Variants in COLEC12 observed in about 807,000 individuals in gnomAD.
The protein encoded by COLEC12 is collectin subfamily member 12, also known as collectin-12.
A neutral mutation model predicts 71.1 loss-of-function variants in COLEC12; 33 were observed. The observed-to-expected ratio is 0.46, with a 90% CI of 0.35 to 0.62. The LOEUF (loss-of-function observed/expected upper bound fraction) is 0.62. COLEC12 is among the 20% of genes least tolerant of loss of function. The pLI, the probability that COLEC12 is intolerant of heterozygous loss-of-function variation, is 0.00. For missense variants in COLEC12, 765 were observed against 916.1 expected, an observed-to-expected ratio of 0.84 and a Z score of 2.13; for synonymous variants, 350 against 353.0, an observed-to-expected ratio of 0.99 and a Z score of 0.10.
intron 2 of COLEC12, among the ~76,000 whole-genome samples, chr18:449,798 G>A (rs866429852): frequency 7.2e-5 from 11 of 152,262 alleles, no homozygotes; most frequent in Middle Eastern, 3.4e-3. Context: ...CTCTGCTCCC[G>A]GGCACCCATG....
At chr18:323,372 C>G (rs1466817129) in intron 8 of COLEC12, among the ~76,000 whole-genome samples, 2 of 152,200 alleles carry the variant, frequency 1.3e-5, no homozygotes, top group African/African-American at 4.8e-5. Flanking sequence ...CACTCACTCA[C>G]TCACACCAGG....
At chr18:336,064 G>A (rs537087258) in intron 5 of COLEC12, among the ~76,000 whole-genome samples, 41 of 152,318 alleles carry the variant, frequency 2.7e-4, no homozygotes, top group African/African-American at 5.3e-4. Flanking sequence ...GACAAGCACC[G>A]TGTTAAGGTA....
chr18:499,558 A>G (rs1253890976), intron 1 of COLEC12, among the ~76,000 whole-genome samples: 1 of 152,168 alleles, frequency 6.6e-6, no homozygotes, highest in Non-Finnish European at 1.5e-5. Flanking sequence ...GTCAGATGGC[A>G]TTTCGCACCC....
At chr18:467,737 G>A (rs769668936) in intron 2 of COLEC12, among the ~76,000 whole-genome samples, 10 of 152,132 alleles carry the variant, frequency 6.6e-5, no homozygotes, top group Non-Finnish European at 1.0e-4. Context: ...TTCAAAACAT[G>A]CCTAGAAAAT....
intron 1 of COLEC12, among the ~76,000 whole-genome samples, chr18:491,797 T>C (rs1029652168): frequency 6.6e-6 from 1 of 152,236 alleles, no homozygotes; most frequent in African/African-American, 2.4e-5. Context: ...TAACGTATTT[T>C]GGGCTGTAAA....
chr18:345,856 T>C (rs1391519467), intron 5 of COLEC12, among the ~76,000 whole-genome samples: 2 of 152,256 alleles, frequency 1.3e-5, no homozygotes, highest in Non-Finnish European at 2.9e-5. Flanking sequence ...TAGTGACTTA[T>C]TTCTAAGAAA....
In COLEC12 at chr18:327,783, A is replaced by C. The variant is rs1041002138; in HGVS notation, c.2063+3885T>G. Among the ~76,000 whole-genome samples, 1 of 152,192 alleles carries C rather than the reference A, an allele frequency of 6.6e-6. No homozygotes were observed. Among genetic ancestry groups the C allele is most frequent in the Admixed American group, 6.5e-5 (1 of 15,284 alleles). On this transcript the variant is annotated intron_variant, in intron 8 of 9. Coordinates refer to ENST00000400256, the MANE Select transcript of COLEC12 (RefSeq NM_130386.3). This position sits in a 1 kb window ranked among gnomAD's most constrained non-coding sequence, Gnocchi z 4.0. The stretch of plus-strand genomic sequence containing the variant: ...GAATAAGGGGAAAGCAGTGGTACTT[A>C]ATTCTTCCTAGCCTGGGCAAGGGAT...
intron 2 of COLEC12, among the ~76,000 whole-genome samples, chr18:456,969 G>A (rs1916885949): frequency 6.6e-6 from 1 of 152,186 alleles, no homozygotes; most frequent in South Asian, 2.1e-4. Context: ...TTCTCGGCTC[G>A]CAGGTCTTAA....
intron 2 of COLEC12, among the ~76,000 whole-genome samples, chr18:409,308 A>G (rs1018659929): frequency 2.0e-5 from 3 of 152,352 alleles, no homozygotes; most frequent in Admixed American, 6.5e-5. Flanking sequence ...CGGGAGGCCG[A>G]GGCGGGCAGA....
chr18:368,586 C>A (rs531497788), intron 2 of COLEC12, among the ~76,000 whole-genome samples: 2 of 151,606 alleles, frequency 1.3e-5, no homozygotes, highest in Admixed American at 6.6e-5. Context: ...AAAACAAGGC[C>A]GGGCGCGGTG....
intron 2 of COLEC12, among the ~76,000 whole-genome samples, chr18:459,987 A>G (rs1270815807): frequency 6.6e-6 from 1 of 151,988 alleles, no homozygotes; most frequent in East Asian, 1.9e-4. Context: ...TGGCCAAGTG[A>G]TGAGTGATGA....
At chr18:373,634 TC>T (rs1252985866) in intron 2 of COLEC12, among the ~76,000 whole-genome samples, 2 of 152,180 alleles carry the variant, frequency 1.3e-5, no homozygotes, top group African/African-American at 4.8e-5. Flanking sequence ...TTTCTGTAAG[TC>T]CCAGCTAAGA....
At chr18:454,337 A>C (rs1024145063) in intron 2 of COLEC12, among the ~76,000 whole-genome samples, 1 of 151,410 alleles carries the variant, frequency 6.6e-6, no homozygotes, top group African/African-American at 2.4e-5. Flanking sequence ...TCTTGTTCCC[A>C]CTCCCACATG....
intron 2 of COLEC12, among the ~76,000 whole-genome samples, chr18:429,579 G>A (rs1378374788): frequency 6.6e-6 from 1 of 151,980 alleles, no homozygotes; most frequent in African/African-American, 2.4e-5. Context: ...ACAGGGATTT[G>A]CCATGTTGGC....
chr18:341,911 A>G (rs1445240035), intron 5 of COLEC12, among the ~76,000 whole-genome samples: 3 of 152,166 alleles, frequency 2.0e-5, no homozygotes, highest in Non-Finnish European at 4.4e-5. Context: ...TACAGGAAGG[A>G]TGCAACTGAT....
At position 374,534 on chromosome 18, in the gene COLEC12, C is replaced by T. The variant is rs1915071548; in HGVS notation, c.59-17012G>A. On this transcript the variant is annotated intron_variant, in intron 2 of 9. Transcript: ENST00000400256. ...TCAGGAGATCCATGGGCTCTAGAAA[C>T]CACCTGTAGGCCTGAGGCTCGGAAC... Among the ~76,000 whole-genome samples, 3 of 152,280 alleles carry T rather than the reference C, an allele frequency of 2.0e-5. No homozygotes were observed. In the South Asian group the frequency reaches 6.2e-4, roughly 32 times the overall value.
intron 2 of COLEC12, among the ~76,000 whole-genome samples, chr18:469,020 C>T (rs896084571): frequency 6.6e-6 from 1 of 152,266 alleles, no homozygotes; most frequent in Non-Finnish European, 1.5e-5. Flanking sequence ...CGATGGCGTG[C>T]GCAGCACATG....
chr18:396,165 G>T (rs907359668), intron 2 of COLEC12, among the ~76,000 whole-genome samples: 1 of 152,216 alleles, frequency 6.6e-6, no homozygotes, highest in Non-Finnish European at 1.5e-5. Context: ...GCCAGTTGGG[G>T]AAGGGGAGGA....
At chr18:471,718 AATG>A (rs1917202432) in intron 2 of COLEC12, among the ~76,000 whole-genome samples, 1 of 151,620 alleles carries the variant, frequency 6.6e-6, no homozygotes, top group African/African-American at 2.4e-5. Flanking sequence ...TTTGAAATAT[AATG>A]ATATTACATT....
Sources: gnomAD v4.1 joint callset for allele counts (sites outside exome capture counted in the v4.1 genomes callset) on GRCh38, gnomAD v4.1.1 for gene constraint, Gnocchi (gnomAD v3.1) non-coding constraint, MANE v1.5 for transcripts, NCBI Gene and HGNC (gene_info 2026-07-23, HGNC 2026-07-21) for gene names.